The following TRHDE variants were observed in gnomAD, a reference collection of about 807,000 sequenced individuals.
The protein encoded by TRHDE is thyrotropin releasing hormone degrading enzyme.
In TRHDE, 72 loss-of-function variants were observed where a neutral mutation model predicts 125.7. The ratio of observed to expected loss-of-function variants is 0.57; its 90% CI spans 0.47 to 0.70. The LOEUF (loss-of-function observed/expected upper bound fraction) is 0.70. Ranked by LOEUF, TRHDE falls within the 30% of genes least tolerant of loss-of-function variation. TRHDE has a pLI of 0.00. For synonymous variants in TRHDE, 509 were observed against 509.1 expected (o/e 1.00, Z 0.00); for missense variants, 1,110 against 1,327.1 (o/e 0.84, Z 2.54).
At position 72,272,416 on chromosome 12, in the gene TRHDE, G is replaced by C; in HGVS notation, c.-228G>C. The C allele has an allele frequency of 2.3e-6, 1 of 438,592 alleles. No homozygotes were observed. The highest frequency in any genetic ancestry group is 2.2e-5 in the South Asian group (1 of 46,328). 27.2% of individuals were successfully genotyped at this position (438,592 alleles called of 1,614,324 possible). A position where few individuals can be genotyped will look rare whatever the true frequency, so the allele number is the denominator to read the frequency against. On this transcript the variant is annotated 5_prime_UTR_variant, in exon 1 of 19. Transcript: ENST00000261180. This position sits in a 1 kb window ranked among gnomAD's most constrained non-coding sequence, Gnocchi z 6.7. Reference sequence around the variant, plus strand: ...AAGCAAGACGCTTTCCAAGTTGGGCGCGTCCCAGAGCTCACAGCCCGGTGT... The same window carrying C: ...AAGCAAGACGCTTTCCAAGTTGGGCCCGTCCCAGAGCTCACAGCCCGGTGT...
intron 2 of TRHDE, among the ~76,000 whole-genome samples, chr12:72,244,142 T>C (rs12296194): frequency 0.3 from 46,244 of 152,038 alleles, 7,105 homozygotes; most frequent in South Asian, 0.34. Context: ...TATCCATTGT[T>C]TGCACATTGG....
intron 1 of TRHDE, among the ~76,000 whole-genome samples, chr12:72,104,782 G>A (rs992923378): frequency 6.6e-6 from 1 of 152,194 alleles, no homozygotes; most frequent in Non-Finnish European, 1.5e-5. Context: ...AAACACAAGA[G>A]GGGACTTTAT....
chr12:72,329,483 C>A (rs1869485655), intron 2 of TRHDE, among the ~76,000 whole-genome samples: 1 of 152,114 alleles, frequency 6.6e-6, no homozygotes. Context: ...GTTGGTAATG[C>A]AATAGCTTTT....
chr12:72,534,731 AT>A (rs1217373714), intron 6 of TRHDE, among the ~76,000 whole-genome samples: 1 of 152,162 alleles, frequency 6.6e-6, no homozygotes, highest in African/African-American at 2.4e-5. Flanking sequence ...TATCATTATT[AT>A]TAATGGTGGC....
intron 2 of TRHDE, among the ~76,000 whole-genome samples, chr12:72,372,720 G>T (rs1234100169): frequency 6.6e-6 from 1 of 152,156 alleles, no homozygotes; most frequent in Non-Finnish European, 1.5e-5. Context: ...CACTATTTCT[G>T]AGGGCTCTGT....
chr12:72,600,123 C>A (rs1281522974), intron 12 of TRHDE, among the ~76,000 whole-genome samples: 1 of 151,946 alleles, frequency 6.6e-6, no homozygotes, highest in African/African-American at 2.4e-5. Context: ...TGTACCATTA[C>A]CATGGTGTTT....
intron 7 of TRHDE, among the ~76,000 whole-genome samples, chr12:72,553,920 C>T (rs182518060): frequency 1.3e-5 from 2 of 150,396 alleles, no homozygotes; most frequent in African/African-American, 2.4e-5. Flanking sequence ...ACAACCTCAA[C>T]GCACTGCAAC....
In TRHDE at chr12:72,606,403, G is replaced by A. The variant is rs150512759; in HGVS notation, c.2322-12488G>A. 6.1e-3 allele frequency among the ~76,000 whole-genome samples: 923 copies of A among 152,274 alleles called. 2 individuals carry two copies. The highest frequency in any genetic ancestry group is 0.024 in the Middle Eastern group (7 of 294). ...AATCAAGGTCAGAATATAGATGCATGGCACGTGATGCTGAATTCTAGTTCT... is the reference window on the plus strand; with the variant it reads ...AATCAAGGTCAGAATATAGATGCATAGCACGTGATGCTGAATTCTAGTTCT... On this transcript the variant is annotated intron_variant, in intron 12 of 18. Coordinates refer to ENST00000261180, the MANE Select transcript of TRHDE (RefSeq NM_013381.3).
intron 2 of TRHDE, among the ~76,000 whole-genome samples, chr12:72,377,723 TG>T (rs976665152): frequency 1.3e-5 from 2 of 152,174 alleles, no homozygotes; most frequent in African/African-American, 4.8e-5. Context: ...GTGATAACGT[TG>T]AATATTTATT....
intron 1 of TRHDE, among the ~76,000 whole-genome samples, chr12:72,099,625 T>C (rs1875021351): frequency 6.6e-6 from 1 of 152,252 alleles, no homozygotes; most frequent in Admixed American, 6.5e-5. Flanking sequence ...GTGGAATTTT[T>C]AGTGATAATT....
At chr12:72,226,577 A>G (rs1377173056) in intron 2 of TRHDE, among the ~76,000 whole-genome samples, 2 of 152,228 alleles carry the variant, frequency 1.3e-5, no homozygotes, top group Non-Finnish European at 2.9e-5. Flanking sequence ...TCTTTAGCTT[A>G]TATAAAATAA....
chr12:72,173,278 C>T (rs1243820176), intron 2 of TRHDE, among the ~76,000 whole-genome samples: 3 of 152,058 alleles, frequency 2.0e-5, no homozygotes, highest in African/African-American at 4.8e-5. Flanking sequence ...TGTGGATAGA[C>T]CTTAAAGTGA....
intron 6 of TRHDE, among the ~76,000 whole-genome samples, chr12:72,508,025 A>G (rs528481573): frequency 6.6e-6 from 1 of 152,320 alleles, no homozygotes; most frequent in Non-Finnish European, 1.5e-5. Flanking sequence ...GGGTGCAAAG[A>G]GGACAAGAGT....
intron 17 of TRHDE, 40 bp downstream of exon 17, chr12:72,653,196 C>A: frequency 6.4e-7 from 1 of 1,564,868 alleles, no homozygotes. Context: ...TAAATTAAAG[C>A]CGACATAGGA....
intron 2 of TRHDE, among the ~76,000 whole-genome samples, chr12:72,212,020 A>G (rs904435697): frequency 1.3e-5 from 2 of 152,180 alleles, no homozygotes; most frequent in African/African-American, 2.4e-5. Flanking sequence ...ATGCATACCT[A>G]TACATATATA....
intron 6 of TRHDE, among the ~76,000 whole-genome samples, chr12:72,531,693 A>G (rs1035633297): frequency 1.1e-4 from 16 of 152,042 alleles, no homozygotes; most frequent in African/African-American, 3.9e-4. Context: ...TAGTTTAGGT[A>G]ACAAATCATT....
At chr12:72,336,723 A>G (rs4388934) in intron 2 of TRHDE, among the ~76,000 whole-genome samples, 52,783 of 152,050 alleles carry the variant, frequency 0.35, 9,897 homozygotes, top group Non-Finnish European at 0.43. Context: ...AGGCCAGGAG[A>G]TGTGCAAGAG....
intron 2 of TRHDE, among the ~76,000 whole-genome samples, chr12:72,338,066 C>T (rs1186595683): frequency 6.6e-6 from 1 of 152,148 alleles, no homozygotes; most frequent in Non-Finnish European, 1.5e-5. Context: ...AAATATGTTT[C>T]AGATGACTTT....
At chr12:72,430,616 C>T (rs1284307060) in intron 3 of TRHDE, among the ~76,000 whole-genome samples, 1 of 151,566 alleles carries the variant, frequency 6.6e-6, no homozygotes, top group South Asian at 2.1e-4. Context: ...CATTCTGTCC[C>T]CCTGATCTAT....
Sources: gnomAD v4.1 joint callset for allele counts (sites outside exome capture counted in the v4.1 genomes callset) on GRCh38, gnomAD v4.1.1 for gene constraint, Gnocchi (gnomAD v3.1) non-coding constraint, MANE v1.5 for transcripts, NCBI Gene and HGNC (gene_info 2026-07-23, HGNC 2026-07-21) for gene names.